The following POC1B variants were observed in gnomAD, a reference collection of about 807,000 sequenced individuals.
POC1B encodes the protein POC1 centriolar protein B.
A neutral mutation model predicts 60.6 loss-of-function variants in POC1B; 44 were observed. The observed-to-expected ratio is 0.73, with a 90% CI of 0.57 to 0.93. The LOEUF (loss-of-function observed/expected upper bound fraction) is 0.93. Among genes scored for constraint, POC1B ranks in the 40% least tolerant of loss-of-function variants. The probability of loss-of-function intolerance (pLI) is 0.00; values close to 1 mark genes in which losing one functional copy is unlikely to be tolerated. For synonymous variants in POC1B, 180 were observed against 198.9 expected, an observed-to-expected ratio of 0.90 and a Z score of 0.80; for missense variants, 555 against 572.3, an observed-to-expected ratio of 0.97 and a Z score of 0.31.
chr12:89,465,138 C>A (rs1882637939), intron 9 of POC1B, among the ~76,000 whole-genome samples: 1 of 152,080 alleles, frequency 6.6e-6, no homozygotes, highest in African/African-American at 2.4e-5. Flanking sequence ...CTTTGCATGG[C>A]CTGGGTCAGC....
chr12:89,483,767 G>A (rs904208660), intron 4 of POC1B, among the ~76,000 whole-genome samples: 23 of 152,110 alleles, frequency 1.5e-4, no homozygotes, highest in Non-Finnish European at 2.4e-4. Context: ...AAGAAGTTGA[G>A]AGAAGTCATC....
At chr12:89,424,103 C>A (rs1880653552) in intron 11 of POC1B, among the ~76,000 whole-genome samples, 1 of 152,194 alleles carries the variant, frequency 6.6e-6, no homozygotes, top group Admixed American at 6.5e-5. Context: ...TTGAGCAAAT[C>A]ATATGATGAC....
chr12:89,464,830 A>T (rs1882626401), intron 9 of POC1B, among the ~76,000 whole-genome samples: 2 of 151,798 alleles, frequency 1.3e-5, no homozygotes, highest in Non-Finnish European at 2.9e-5. Context: ...AAACAATTAC[A>T]ACAATTGGTT....
intron 2 of POC1B, among the ~76,000 whole-genome samples, chr12:89,516,329 A>G (rs530144815): frequency 1.3e-5 from 2 of 152,278 alleles, no homozygotes; most frequent in South Asian, 4.1e-4. Context: ...ATTGCTCTAC[A>G]TTCTTCCCAG....
chr12:89,525,484 G>C (rs1012087837), intron 1 of POC1B: 2 of 1,329,068 alleles, frequency 1.5e-6, no homozygotes, highest in Non-Finnish European at 1.9e-6. Context: ...CCTTTGAAAT[G>C]CACGTTCCCG....
chr12:89,435,858 T>C (rs1420326359), intron 10 of POC1B, among the ~76,000 whole-genome samples: 1 of 152,126 alleles, frequency 6.6e-6, no homozygotes. Flanking sequence ...TGAAGAATTA[T>C]GATAATATAT....
At chr12:89,482,390 T>C (rs1004748296) in intron 4 of POC1B, among the ~76,000 whole-genome samples, 3 of 151,790 alleles carry the variant, frequency 2.0e-5, no homozygotes, top group African/African-American at 7.3e-5. Context: ...CAGAAAGAGA[T>C]GAGAAAGAAA....
chr12:89,510,613 C>T (rs953148095), intron 2 of POC1B, among the ~76,000 whole-genome samples: 1 of 152,194 alleles, frequency 6.6e-6, no homozygotes, highest in Non-Finnish European at 1.5e-5. Context: ...AGTTTTCACA[C>T]TCTCTGTAGG....
chr12:89,487,884 C>T (rs1345041145), intron 4 of POC1B, among the ~76,000 whole-genome samples: 1 of 152,124 alleles, frequency 6.6e-6, no homozygotes, highest in Non-Finnish European at 1.5e-5. Context: ...ATTTATTACT[C>T]CCTTATCATC....
intron 2 of POC1B, among the ~76,000 whole-genome samples, chr12:89,510,951 C>T (rs1870154824): frequency 6.6e-6 from 1 of 151,750 alleles, no homozygotes; most frequent in Non-Finnish European, 1.5e-5. Flanking sequence ...GACAGGGTTT[C>T]ACCATGTTGG....
chr12:89,497,394 G>A (rs748535851), intron 2 of POC1B, 52 bp from the exon 3 acceptor site: 3 of 1,538,344 alleles, frequency 2.0e-6, no homozygotes, highest in African/African-American at 1.4e-5. Flanking sequence ...GCAAACATAG[G>A]TGTGTCTCAT....
At chr12:89,435,179 CTTTT>C (rs56061239) in intron 10 of POC1B, among the ~76,000 whole-genome samples, 1 of 113,540 alleles carries the variant, frequency 8.8e-6, no homozygotes. Flanking sequence ...GAATGACATT[CTTTT>C]TTTTTTTTTT....
intron 4 of POC1B, among the ~76,000 whole-genome samples, chr12:89,486,000 A>G (rs1043349498): frequency 4.6e-5 from 7 of 152,102 alleles, no homozygotes; most frequent in African/African-American, 1.7e-4. Context: ...ACCTTGGTAA[A>G]TATGCCTTCC....
chr12:89,504,014 C>T (rs1338789871), intron 2 of POC1B, among the ~76,000 whole-genome samples: 1 of 150,284 alleles, frequency 6.7e-6, no homozygotes, highest in African/African-American at 2.5e-5. Flanking sequence ...CGGCCGCCGC[C>T]CCATCCAGGA....
At chr12:89,525,076 G>A (rs1871320276) in intron 2 of POC1B, 44 bp downstream of exon 2, 2 of 1,612,632 alleles carry the variant, frequency 1.2e-6, no homozygotes, top group Non-Finnish European at 8.5e-7. Flanking sequence ...TCCGGCCCAT[G>A]GAGTTTAGTC....
chr12:89,408,767 G>A, the POC1B span, among the ~76,000 whole-genome samples: 7 of 152,258 alleles, frequency 4.6e-5, no homozygotes, highest in South Asian at 2.1e-4. Context: ...GATTACAGGC[G>A]TGAGCCACCG....
At chr12:89,496,719 G>C (rs1303292147) in intron 3 of POC1B, among the ~76,000 whole-genome samples, 1 of 152,058 alleles carries the variant, frequency 6.6e-6, no homozygotes, top group Non-Finnish European at 1.5e-5. Context: ...TCTTTAACAA[G>C]AAAATTCTGG....
chr12:89,463,450 G>T (rs1882554573), intron 9 of POC1B, among the ~76,000 whole-genome samples: 2 of 151,980 alleles, frequency 1.3e-5, no homozygotes, highest in Admixed American at 6.6e-5. Context: ...CACACTGAAG[G>T]AAAGTCTGGT....
the POC1B span, among the ~76,000 whole-genome samples, chr12:89,405,527 TA>T: frequency 6.6e-6 from 1 of 152,176 alleles, no homozygotes; most frequent in South Asian, 2.1e-4. Flanking sequence ...CCTGTAATCC[TA>T]AACTCCAGAT....
Sources: gnomAD v4.1 joint callset for allele counts (sites outside exome capture counted in the v4.1 genomes callset) on GRCh38, gnomAD v4.1.1 for gene constraint, MANE v1.5 for transcripts, NCBI Gene and HGNC (gene_info 2026-07-23, HGNC 2026-07-21) for gene names.